TMEM131L: variants seen among roughly 807,000 people sequenced by gnomAD.
The protein encoded by TMEM131L is transmembrane 131 like.
In TMEM131L, 54 loss-of-function variants were observed where a neutral mutation model predicts 192.2. The observed-to-expected ratio is 0.28, with a 90% CI of 0.23 to 0.35. TMEM131L has a LOEUF of 0.35. Ranked by LOEUF, TMEM131L falls within the 10% of genes least tolerant of loss-of-function variation. The pLI is 1.00. For synonymous variants in TMEM131L, 701 were observed against 704.9 expected (o/e 0.99, Z 0.09); for missense variants, 1,888 against 1,972.9 (o/e 0.96, Z 0.82).
At chr4:153,476,498 C>G (rs969051111) in intron 3 of TMEM131L, among the ~76,000 whole-genome samples, 10 of 151,966 alleles carry the variant, frequency 6.6e-5, no homozygotes, top group African/African-American at 2.4e-4. Context: ...GTGATCAAGA[C>G]CATCCTGGAT....
intron 3 of TMEM131L, among the ~76,000 whole-genome samples, chr4:153,490,684 G>A (rs1268726309): frequency 2.0e-5 from 3 of 152,046 alleles, no homozygotes; most frequent in African/African-American, 7.2e-5. Flanking sequence ...GGCCGGGCGT[G>A]GGGGCTCATG....
intron 7 of TMEM131L, among the ~76,000 whole-genome samples, chr4:153,561,638 G>T (rs555419050): frequency 1.2e-4 from 18 of 152,140 alleles, no homozygotes; most frequent in Non-Finnish European, 1.8e-4. Flanking sequence ...ACATTGAATT[G>T]TCTTGGTATC....
At chr4:153,595,322 A>G (rs987550970) in intron 19 of TMEM131L, among the ~76,000 whole-genome samples, 27 of 152,208 alleles carry the variant, frequency 1.8e-4, no homozygotes, top group African/African-American at 5.5e-4. Flanking sequence ...TATAAGAACC[A>G]TTTAATAGAG....
chr4:153,581,511 A>G lies in TMEM131L; in HGVS notation c.843A>G (p.Leu281=). The change falls in exon 9 of 35, where the codon TTA becomes TTG. Residue 281 remains leucine (L), a synonymous_variant. Coordinates refer to ENST00000409959, the MANE Select transcript of TMEM131L (RefSeq NM_001131007.2). ...TTGAAGAAAACACACAACATTTGTT[A>G]GATCATCTCTCTATTGTTTACGTAG... ...KEFEENTQHL[L]DHLSIVYVAT... The G allele has an allele frequency of 6.2e-7, 1 of 1,603,938 alleles. No homozygotes were observed. Among genetic ancestry groups the G allele is most frequent in the Non-Finnish European group, 8.5e-7 (1 of 1,174,156 alleles).
chr4:153,506,843 CAAAAA>C (rs369133768), intron 3 of TMEM131L, among the ~76,000 whole-genome samples: 1 of 88,222 alleles, frequency 1.1e-5, no homozygotes. Flanking sequence ...ACTCTGTATC[CAAAAA>C]AAAAAAAAAA....
At chr4:153,565,404 G>A (rs1729124423) in intron 7 of TMEM131L, among the ~76,000 whole-genome samples, 4 of 152,162 alleles carry the variant, frequency 2.6e-5, no homozygotes, top group Admixed American at 2.0e-4. Flanking sequence ...TACTACCGGG[G>A]CAGGTGGTAT....
chr4:153,564,532 G>A (rs1296876575), intron 7 of TMEM131L, among the ~76,000 whole-genome samples: 2 of 152,080 alleles, frequency 1.3e-5, no homozygotes, highest in Non-Finnish European at 2.9e-5. Context: ...AGGAAAACAT[G>A]GAGTTAAGAT....
At chr4:153,467,120 A>G in intron 1 of TMEM131L, 91 bp from the exon 2 acceptor site, 2 of 1,244,124 alleles carry the variant, frequency 1.6e-6, no homozygotes, top group Non-Finnish European at 2.3e-6. Flanking sequence ...TGTTTTGGTG[A>G]GGCGGGGGGC....
chr4:153,626,077 AT>A, intron 29 of TMEM131L, 69 bp from the exon 30 acceptor site: 1 of 948,296 alleles, frequency 1.1e-6, no homozygotes, highest in South Asian at 1.4e-5. Flanking sequence ...TAACCTATGC[AT>A]TTTAATACCG....
At chr4:153,602,413 G>T (rs1453253714) in intron 22 of TMEM131L, 75 bp downstream of exon 22, 13 of 1,538,858 alleles carry the variant, frequency 8.4e-6, no homozygotes, top group African/African-American at 2.8e-5. Flanking sequence ...TTTTTCTATT[G>T]TTAAGACATC....
chr4:153,598,853 A>T (rs1170722279), intron 21 of TMEM131L, 121 bp downstream of exon 21: 2 of 786,110 alleles, frequency 2.5e-6, no homozygotes, highest in Non-Finnish European at 3.6e-6. Context: ...CTAAAAATTT[A>T]TAGTAAATTC....
chr4:153,543,855 C>T (rs1736976446), intron 3 of TMEM131L, among the ~76,000 whole-genome samples: 1 of 152,214 alleles, frequency 6.6e-6, no homozygotes, highest in Non-Finnish European at 1.5e-5. Flanking sequence ...GCTGTGGGAT[C>T]TCTCATTTCT....
intron 26 of TMEM131L, among the ~76,000 whole-genome samples, chr4:153,618,229 A>G (rs1270877570): frequency 2.0e-5 from 3 of 152,210 alleles, no homozygotes; most frequent in African/African-American, 7.2e-5. Flanking sequence ...AACTAGTTCA[A>G]ATAGTTCAGC....
At chr4:153,531,379 G>T (rs906299926) in intron 3 of TMEM131L, among the ~76,000 whole-genome samples, 17 of 152,286 alleles carry the variant, frequency 1.1e-4, no homozygotes, top group Admixed American at 5.9e-4. Flanking sequence ...GAAGTGTTTA[G>T]GAGCTACACA....
intron 3 of TMEM131L, among the ~76,000 whole-genome samples, chr4:153,501,035 T>C (rs1254177676): frequency 6.6e-6 from 1 of 152,108 alleles, no homozygotes; most frequent in Non-Finnish European, 1.5e-5. Flanking sequence ...ATATGGTAAC[T>C]GATGAAAGTG....
chr4:153,483,345 A>G (rs536474730), intron 3 of TMEM131L, among the ~76,000 whole-genome samples: 5 of 152,342 alleles, frequency 3.3e-5, no homozygotes, highest in Admixed American at 2.0e-4. Context: ...AAATAACTTA[A>G]TGGAATCATT....
At chr4:153,608,937 A>G (rs764423754) in intron 25 of TMEM131L, among the ~76,000 whole-genome samples, 4 of 152,146 alleles carry the variant, frequency 2.6e-5, no homozygotes, top group Admixed American at 6.5e-5. Context: ...TCGTGAAACC[A>G]TTACCACCGT....
intron 3 of TMEM131L, among the ~76,000 whole-genome samples, chr4:153,505,955 G>T (rs1000734864): frequency 6.6e-6 from 1 of 152,134 alleles, no homozygotes; most frequent in Non-Finnish European, 1.5e-5. Flanking sequence ...CAGATATTTC[G>T]TACCAGATCT....
intron 3 of TMEM131L, among the ~76,000 whole-genome samples, chr4:153,494,110 C>T (rs1413187575): frequency 6.6e-6 from 1 of 151,924 alleles, no homozygotes; most frequent in East Asian, 1.9e-4. Flanking sequence ...TCAGTTTTCT[C>T]ATCTGTAAAA....
Sources: gnomAD v4.1 joint callset for allele counts (sites outside exome capture counted in the v4.1 genomes callset) on GRCh38, gnomAD v4.1.1 for gene constraint, MANE v1.5 for transcripts, NCBI Gene and HGNC (gene_info 2026-07-23, HGNC 2026-07-21) for gene names.